The following AOPEP variants were observed in gnomAD, a reference collection of about 807,000 sequenced individuals.
AOPEP encodes the protein aminopeptidase O (putative).
In AOPEP, 77 loss-of-function variants were observed where a neutral mutation model predicts 98.1. The observed-to-expected ratio is 0.78, with a 90% CI of 0.65 to 0.95. The LOEUF (loss-of-function observed/expected upper bound fraction) is 0.95. Ranked by LOEUF, AOPEP falls within the 40% of genes least tolerant of loss-of-function variation. AOPEP has a pLI of 0.00. For synonymous variants in AOPEP, 346 were observed against 365.3 expected, an observed-to-expected ratio of 0.95 and a Z score of 0.60; for missense variants, 1,024 against 1,024.7, an observed-to-expected ratio of 1.00 and a Z score of 0.01.
intron 5 of AOPEP, among the ~76,000 whole-genome samples, chr9:94,820,224 G>A (rs1852743526): frequency 6.6e-6 from 1 of 152,114 alleles, no homozygotes; most frequent in Non-Finnish European, 1.5e-5. Flanking sequence ...GGGATTACAG[G>A]TGTGAGCCAC....
chr9:94,754,603 G>A (rs1482213833), intron 1 of AOPEP, among the ~76,000 whole-genome samples: 2 of 152,162 alleles, frequency 1.3e-5, no homozygotes, highest in Non-Finnish European at 2.9e-5. Context: ...TGTTGTATAA[G>A]TAACTAGACA....
At chr9:94,744,561 C>A (rs938696742) in intron 1 of AOPEP, among the ~76,000 whole-genome samples, 2 of 151,092 alleles carry the variant, frequency 1.3e-5, no homozygotes, top group African/African-American at 4.9e-5. Context: ...ATTAGCTGGG[C>A]ATGGTAGTGC....
the AOPEP span, among the ~76,000 whole-genome samples, chr9:95,144,382 A>G: frequency 6.6e-6 from 1 of 152,172 alleles, no homozygotes; most frequent in Non-Finnish European, 1.5e-5. Context: ...AATAAATTTT[A>G]TGAGTTGTTG....
At chr9:95,005,925 C>G in intron 13 of AOPEP, 1 of 525,336 alleles carries the variant, frequency 1.9e-6, no homozygotes, top group Non-Finnish European at 3.6e-6. Context: ...GTTAAGGTAC[C>G]TCTGAAAAAT....
intron 13 of AOPEP, among the ~76,000 whole-genome samples, chr9:95,028,912 C>T (rs1410722238): frequency 1.3e-5 from 2 of 152,206 alleles, no homozygotes; most frequent in Admixed American, 6.5e-5. Flanking sequence ...AAGAATTCCG[C>T]GAGAGCCATT....
At chr9:94,778,594 A>C (rs1842666196) in intron 3 of AOPEP, among the ~76,000 whole-genome samples, 1 of 152,194 alleles carries the variant, frequency 6.6e-6, no homozygotes, top group Non-Finnish European at 1.5e-5. Flanking sequence ...AAACCAGATC[A>C]GTGGTTGGCT....
the AOPEP span, chr9:95,114,853 T>C: frequency 3.4e-5 from 25 of 728,622 alleles, no homozygotes; most frequent in African/African-American, 1.9e-4. Flanking sequence ...CTCATGCTTT[T>C]CCCAGCCAGT....
chr9:95,141,892 T>C, the AOPEP span, among the ~76,000 whole-genome samples: 4 of 151,898 alleles, frequency 2.6e-5, no homozygotes, highest in African/African-American at 4.8e-5. Context: ...GGGAAAAATA[T>C]GAGTTTGCAA....
intron 5 of AOPEP, among the ~76,000 whole-genome samples, chr9:94,842,067 A>G (rs1448806335): frequency 6.6e-6 from 1 of 152,044 alleles, no homozygotes; most frequent in African/African-American, 2.4e-5. Flanking sequence ...AAACAAACAA[A>G]AAGAAAACAA....
intron 16 of AOPEP, chr9:95,085,913 C>CT: frequency 3.2e-6 from 4 of 1,238,726 alleles, no homozygotes; most frequent in Non-Finnish European, 3.1e-6. Context: ...GCGGTGAACT[C>CT]TCTCTTGTAT....
chr9:94,731,890 T>A (rs909503254), intron 1 of AOPEP, among the ~76,000 whole-genome samples: 1 of 145,158 alleles, frequency 6.9e-6, no homozygotes, highest in African/African-American at 2.6e-5. Context: ...GTTCTAGCAA[T>A]TCTCCTGCCT....
intron 14 of AOPEP, among the ~76,000 whole-genome samples, chr9:95,071,305 C>A (rs2169819): frequency 0.25 from 32,464 of 130,166 alleles, 4,064 homozygotes; most frequent in East Asian, 0.37. Flanking sequence ...CACACACACA[C>A]AAAAAAATGC....
At chr9:94,775,484 G>A (rs1207817973) in intron 3 of AOPEP, among the ~76,000 whole-genome samples, 2 of 151,220 alleles carry the variant, frequency 1.3e-5, no homozygotes, top group African/African-American at 2.4e-5. Flanking sequence ...ATTCTGTCTC[G>A]GCCTCCCCAG....
chr9:94,750,292 A>G (rs1333592780), intron 1 of AOPEP, among the ~76,000 whole-genome samples: 1 of 151,986 alleles, frequency 6.6e-6, no homozygotes, highest in Non-Finnish European at 1.5e-5. Context: ...AGCCAGTAAG[A>G]CTCCAGGTTT....
chr9:94,778,808 A>G (rs1461865811), intron 3 of AOPEP, among the ~76,000 whole-genome samples: 1 of 152,124 alleles, frequency 6.6e-6, no homozygotes, highest in African/African-American at 2.4e-5. Context: ...TGGGCGGATC[A>G]CTTGAGGCCA....
intron 1 of AOPEP, among the ~76,000 whole-genome samples, chr9:94,728,262 C>CACACAT (rs67945569): frequency 5.3e-5 from 8 of 152,158 alleles, no homozygotes; most frequent in African/African-American, 1.9e-4. Context: ...CACACACACA[C>CACACAT]ACACACACAC....
intron 5 of AOPEP, among the ~76,000 whole-genome samples, chr9:94,892,440 A>G (rs1439913156): frequency 2.6e-5 from 4 of 152,222 alleles, no homozygotes; most frequent in Admixed American, 2.0e-4. Context: ...AGTTCACTCA[A>G]AACACCCAGA....
At chr9:94,753,244 G>A (rs1456358627) in intron 1 of AOPEP, among the ~76,000 whole-genome samples, 3 of 152,170 alleles carry the variant, frequency 2.0e-5, no homozygotes, top group Non-Finnish European at 2.9e-5. Flanking sequence ...GGAGTGGAAT[G>A]TATAAATTAT....
intron 13 of AOPEP, among the ~76,000 whole-genome samples, chr9:95,006,360 A>G (rs1445411127): frequency 6.6e-6 from 1 of 152,186 alleles, no homozygotes; most frequent in East Asian, 1.9e-4. Flanking sequence ...CCAGCAAGGG[A>G]TTAAAATAGC....
Sources: gnomAD v4.1 joint callset for allele counts (sites outside exome capture counted in the v4.1 genomes callset) on GRCh38, gnomAD v4.1.1 for gene constraint, MANE v1.5 for transcripts, NCBI Gene and HGNC (gene_info 2026-07-23, HGNC 2026-07-21) for gene names.